Variants in TRPC6 observed in about 807,000 individuals in gnomAD.
TRPC6 encodes short transient receptor potential channel 6.
In TRPC6, 55 loss-of-function variants were observed where a neutral mutation model predicts 90.7. The ratio of observed to expected loss-of-function variants is 0.61; its 90% CI spans 0.49 to 0.76. The LOEUF (loss-of-function observed/expected upper bound fraction) is 0.76. TRPC6 is among the 30% of genes least tolerant of loss of function. The probability of loss-of-function intolerance (pLI) is 0.00; values close to 1 mark genes in which losing one functional copy is unlikely to be tolerated. For synonymous variants in TRPC6, 393 were observed against 393.0 expected, an observed-to-expected ratio of 1.00 and a Z score of 0.00; for missense variants, 989 against 1,122.7, an observed-to-expected ratio of 0.88 and a Z score of 1.70.
chr11:101,453,708 G>A lies in TRPC6; in HGVS notation c.2586C>T (p.Leu862=), dbSNP rs750045988. Residue 862 remains leucine, a synonymous_variant, in exon 12 of 13, where the codon CTC becomes CTT. Transcript: ENST00000344327. The part of the protein sequence containing the change: ...PRQYQKIMKR[L]IKRYVLQAQI... The stretch of plus-strand genomic sequence containing the variant: ...GGGCCTGCAGTACATATCTTTTAAT[G>A]AGCCTTTTCATTATTTTCTAGAAAA... The A allele has an allele frequency of 1.2e-6, 2 of 1,613,560 alleles. No individual in the cohort carries two copies. The highest frequency in any genetic ancestry group is 1.7e-6 in the Non-Finnish European group (2 of 1,179,664).
chr11:101,580,761 A>G (rs961598928), intron 1 of TRPC6, among the ~76,000 whole-genome samples: 12 of 152,202 alleles, frequency 7.9e-5, no homozygotes, highest in Non-Finnish European at 1.0e-4. Flanking sequence ...GAAAATCTCA[A>G]TGATTTGAGA....
chr11:101,575,023 C>T (rs1862041608), intron 1 of TRPC6, among the ~76,000 whole-genome samples: 1 of 152,134 alleles, frequency 6.6e-6, no homozygotes, highest in Non-Finnish European at 1.5e-5. Context: ...GGCAGTCAAT[C>T]TTAACATGAC....
At position 101,451,614 on chromosome 11, in the gene TRPC6, T is replaced by C. The variant is rs1858766213; in HGVS notation, c.*1341A>G. On this transcript the variant is annotated 3_prime_UTR_variant, in exon 13 of 13. Coordinates refer to ENST00000344327, the MANE Select transcript of TRPC6 (RefSeq NM_004621.6). ...CACCAAGTAACTTTTCCATAAGTAG[T>C]ATCCACAAATACAAAATCACTGAAT... 6.6e-6 allele frequency: 1 copy of C among 152,254 alleles called. No homozygotes were observed. The highest frequency in any genetic ancestry group is 2.4e-5 in the African/African-American group (1 of 41,464). The allele number at this position is 152,254 out of a possible 1,614,324, so 9.4% of individuals were successfully genotyped here.
chr11:101,474,988 C>T (rs1270301624), intron 6 of TRPC6, among the ~76,000 whole-genome samples: 1 of 152,276 alleles, frequency 6.6e-6, no homozygotes, highest in East Asian at 1.9e-4. Context: ...TTGCTGCCAT[C>T]CTCTTTTTGT....
At chr11:101,507,098 C>A (rs1210466320) in intron 1 of TRPC6, among the ~76,000 whole-genome samples, 1 of 150,070 alleles carries the variant, frequency 6.7e-6, no homozygotes, top group Non-Finnish European at 1.5e-5. Flanking sequence ...TATATCATGA[C>A]TTTTTTTTAG....
chr11:101,473,817 T>A (rs1859350388), intron 6 of TRPC6, 44 bp from the exon 7 acceptor site: 1 of 1,611,574 alleles, frequency 6.2e-7, no homozygotes, highest in Non-Finnish European at 8.5e-7. Context: ...TTTCTTCAAG[T>A]TTTTTATTTA....
chr11:101,460,023 T>C (rs999933527), intron 10 of TRPC6, among the ~76,000 whole-genome samples: 1 of 152,208 alleles, frequency 6.6e-6, no homozygotes, highest in African/African-American at 2.4e-5. Flanking sequence ...GGCAGAGATG[T>C]ACACTTATTA....
At chr11:101,458,182 T>G (rs576885334) in intron 10 of TRPC6, among the ~76,000 whole-genome samples, 2 of 152,302 alleles carry the variant, frequency 1.3e-5, no homozygotes, top group South Asian at 4.1e-4. Context: ...GAACACATAT[T>G]GCTTTCACAC....
chr11:101,504,004 C>G lies in TRPC6; in HGVS notation c.945+20G>C. 1.2e-6 allele frequency: 2 copies of G among 1,613,870 alleles called. No homozygotes were observed. The highest frequency in any genetic ancestry group is 1.7e-6 in the Non-Finnish European group (2 of 1,179,880). On this transcript the variant is annotated intron_variant, in intron 2 of 12. Coordinates refer to ENST00000344327, the MANE Select transcript of TRPC6 (RefSeq NM_004621.6). ...GACTCTGGCTTGTGGAGGGTGAAGTCTCTATTGTTAGTGACCTACCTTGAA... is the reference window on the plus strand; with the variant it reads ...GACTCTGGCTTGTGGAGGGTGAAGTGTCTATTGTTAGTGACCTACCTTGAA...
At chr11:101,520,027 C>G (rs1053586018) in intron 1 of TRPC6, 1 of 152,130 alleles carries the variant, frequency 6.6e-6, no homozygotes, top group Admixed American at 6.6e-5. Context: ...AGCACACACT[C>G]TCAATTCATT....
intron 1 of TRPC6, among the ~76,000 whole-genome samples, chr11:101,541,065 A>G (rs760409589): frequency 4.6e-5 from 7 of 152,224 alleles, no homozygotes; most frequent in Non-Finnish European, 1.0e-4. Context: ...GAAAACAAAG[A>G]CAAACATATT....
intron 1 of TRPC6, among the ~76,000 whole-genome samples, chr11:101,573,008 T>TA (rs34831988): frequency 0.57 from 85,695 of 149,846 alleles, 24,677 homozygotes; most frequent in Non-Finnish European, 0.64. Context: ...AAAGTATAAT[T>TA]AAAAAAAAAA....
At chr11:101,506,167 A>G (rs547181368) in intron 1 of TRPC6, among the ~76,000 whole-genome samples, 6 of 149,178 alleles carry the variant, frequency 4.0e-5, no homozygotes, top group African/African-American at 1.3e-4. Context: ...AACTCTTACC[A>G]GTATCACTAA....
chr11:101,561,566 C>G (rs59163187), intron 1 of TRPC6, among the ~76,000 whole-genome samples: 3,957 of 152,082 alleles, frequency 0.026, 100 homozygotes, highest in African/African-American at 0.059. Flanking sequence ...AGCTCCCTTA[C>G]TATATAGAGG....
chr11:101,499,993 A>G (rs1408628967), intron 2 of TRPC6, among the ~76,000 whole-genome samples: 5 of 97,020 alleles, frequency 5.2e-5, no homozygotes, highest in East Asian at 2.4e-4. Flanking sequence ...ATATGTATAC[A>G]CAGTATAAAA....
chr11:101,479,071 C>T (rs1382955336), intron 5 of TRPC6, among the ~76,000 whole-genome samples: 1 of 152,132 alleles, frequency 6.6e-6, no homozygotes, highest in African/African-American at 2.4e-5. Flanking sequence ...GGTCTTACAC[C>T]ATGCCTCACC....
At chr11:101,498,974 C>T (rs1860021911) in intron 2 of TRPC6, among the ~76,000 whole-genome samples, 1 of 152,082 alleles carries the variant, frequency 6.6e-6, no homozygotes, top group African/African-American at 2.4e-5. Flanking sequence ...GATAGAAATG[C>T]AGCACCTTGG....
intron 3 of TRPC6, 82 bp from the exon 4 acceptor site, chr11:101,489,183 A>C: frequency 4.9e-6 from 6 of 1,229,292 alleles, no homozygotes; most frequent in Non-Finnish European, 7.1e-6. Context: ...TAATAGTTCC[A>C]TGCTTTCCAA....
At chr11:101,571,732 T>C (rs1247681208) in intron 1 of TRPC6, among the ~76,000 whole-genome samples, 1 of 152,212 alleles carries the variant, frequency 6.6e-6, no homozygotes, top group African/African-American at 2.4e-5. Flanking sequence ...TACAACCATC[T>C]GATCTTTGAC....
Sources: gnomAD v4.1 joint callset for allele counts (sites outside exome capture counted in the v4.1 genomes callset) on GRCh38, gnomAD v4.1.1 for gene constraint, MANE v1.5 for transcripts, NCBI Gene and HGNC (gene_info 2026-07-23, HGNC 2026-07-21) for gene names.